The following RANBP2 variants were observed in gnomAD, a reference collection of about 807,000 sequenced individuals.
RANBP2 encodes the protein RAN binding protein 2.
Under a neutral mutation model 303.6 loss-of-function variants are expected in RANBP2, and 57 were observed. That is an observed-to-expected ratio of 0.19 (90% CI 0.15 to 0.23). The LOEUF is 0.23. RANBP2 is among the 10% of genes least tolerant of loss of function. RANBP2 has a pLI of 1.00. For synonymous variants in RANBP2, 1,167 were observed against 1,301.5 expected, an observed-to-expected ratio of 0.90 and a Z score of 2.23; for missense variants, 3,138 against 3,780.8, an observed-to-expected ratio of 0.83 and a Z score of 4.46.
chr2:109,127,307 A>G, the RANBP2 span: 1 of 152,228 alleles, frequency 6.6e-6, no homozygotes, highest in Admixed American at 6.5e-5. Context: ...AGAGGGAGAG[A>G]GAGAAAGAGA....
the RANBP2 span, among the ~76,000 whole-genome samples, chr2:109,542,077 G>A: frequency 6.6e-6 from 1 of 152,182 alleles, no homozygotes; most frequent in African/African-American, 2.4e-5. Context: ...AGAGACAACT[G>A]TTTCATAAGC....
At chr2:109,551,123 G>T in the RANBP2 span, among the ~76,000 whole-genome samples, 12 of 152,162 alleles carry the variant, frequency 7.9e-5, no homozygotes, top group Non-Finnish European at 1.0e-4. Flanking sequence ...AAGACAGAAC[G>T]TCAACGATAT....
intron 15 of RANBP2, among the ~76,000 whole-genome samples, chr2:108,754,634 A>G (rs1271344310): frequency 2.0e-5 from 3 of 151,942 alleles, no homozygotes; most frequent in African/African-American, 7.3e-5. Flanking sequence ...TAGAAAGAGC[A>G]TGGACTTTAG....
the RANBP2 span, among the ~76,000 whole-genome samples, chr2:109,623,795 G>T: frequency 5.3e-3 from 808 of 152,268 alleles, 6 homozygotes; most frequent in African/African-American, 0.019. Context: ...TACCACCATG[G>T]AAGCCAAAAT....
the RANBP2 span, among the ~76,000 whole-genome samples, chr2:109,595,842 G>C: frequency 1.3e-5 from 2 of 152,154 alleles, no homozygotes; most frequent in African/African-American, 4.8e-5. Flanking sequence ...CTGGCTAGGG[G>C]CCCTGGTCAG....
the RANBP2 span, chr2:108,883,451 A>C: frequency 6.6e-6 from 1 of 152,218 alleles, no homozygotes; most frequent in South Asian, 2.1e-4. Flanking sequence ...TGACATATAG[A>C]TGAGATGAAG....
Position 108,764,736 on chromosome 2 carries a change from C to T in RANBP2, c.4197C>T (p.Thr1399=). The T allele has an allele frequency of 6.2e-7, 1 of 1,613,998 alleles. No individual in the cohort carries two copies. The highest frequency in any genetic ancestry group is 1.1e-5 in the South Asian group (1 of 91,064). The part of the protein sequence containing the change: ...PLAETVFTPK[T]SPENVQDRFA... ...CTGAAACTGTTTTTACTCCTAAAAC[C>T]AGCCCAGAGAATGTTCAAGATCGAT... Residue 1399 remains threonine (T), a synonymous_variant, in exon 20 of 29, where the codon ACC becomes ACT. Transcript: ENST00000283195.
the RANBP2 span, chr2:108,876,377 A>T: frequency 1.8e-6 from 1 of 565,178 alleles, no homozygotes; most frequent in Non-Finnish European, 2.9e-6. Context: ...AAAATAAATA[A>T]TTTTTTTGAA....
At chr2:109,283,001 A>G in the RANBP2 span, among the ~76,000 whole-genome samples, 1 of 152,164 alleles carries the variant, frequency 6.6e-6, no homozygotes, top group African/African-American at 2.4e-5. Context: ...GGAAGGGGTG[A>G]CTGCTTGGCA....
chr2:108,994,857 T>G, the RANBP2 span, among the ~76,000 whole-genome samples: 228 of 128,874 alleles, frequency 1.8e-3, no homozygotes, highest in Admixed American at 6.5e-3. Flanking sequence ...TGAGACAGAG[T>G]CTCGCTCTGT....
the RANBP2 span, among the ~76,000 whole-genome samples, chr2:109,653,144 C>T: frequency 6.6e-6 from 1 of 152,084 alleles, no homozygotes; most frequent in East Asian, 1.9e-4. Context: ...TGCTTGTAAT[C>T]CGAGGACTTC....
At chr2:109,709,493 G>A in the RANBP2 span, among the ~76,000 whole-genome samples, 6 of 152,178 alleles carry the variant, frequency 3.9e-5, no homozygotes, top group Admixed American at 2.0e-4. Context: ...CAGTGCCAGG[G>A]CTTTGCAATC....
At chr2:108,846,604 G>A in the RANBP2 span, 1 of 666,052 alleles carries the variant, frequency 1.5e-6, no homozygotes. Flanking sequence ...TTGAGCCCAG[G>A]AGTTTGAGGC....
At chr2:109,010,459 A>G in the RANBP2 span, among the ~76,000 whole-genome samples, 12 of 152,196 alleles carry the variant, frequency 7.9e-5, no homozygotes, top group Non-Finnish European at 1.3e-4. Context: ...TTGGGCTGCT[A>G]TGATAAAATA....
chr2:109,603,567 T>C, the RANBP2 span, among the ~76,000 whole-genome samples: 1 of 152,110 alleles, frequency 6.6e-6, no homozygotes, highest in Non-Finnish European at 1.5e-5. Context: ...AGCCTTACAT[T>C]TTAAGGACAG....
At chr2:108,856,964 G>A in the RANBP2 span, 1 of 1,582,806 alleles carries the variant, frequency 6.3e-7, no homozygotes, top group Non-Finnish European at 8.6e-7. Context: ...GATGACGGTG[G>A]AATCTAGTAA....
the RANBP2 span, among the ~76,000 whole-genome samples, chr2:109,425,504 G>T: frequency 6.6e-6 from 1 of 152,296 alleles, no homozygotes; most frequent in East Asian, 1.9e-4. Context: ...CTTGTTAGGG[G>T]CTAATGCAGC....
At position 108,751,954 on chromosome 2, in the gene RANBP2, C is replaced by G; in HGVS notation, c.1715C>G (p.Pro572Arg). The G allele has an allele frequency of 6.2e-7, 1 of 1,611,964 alleles. No homozygotes were observed. The highest frequency in any genetic ancestry group is 8.5e-7 in the Non-Finnish European group (1 of 1,179,850). The stretch of plus-strand genomic sequence containing the variant: ...GCCCAGGAAAAACATGGCCTTCAAC[C>G]TGCTCTGCTTGTACATTGGGCAGAA... ...LRAQEKHGLQ[P>R]ALLVHWAECL... The change falls in exon 12 of 29, where the codon CCT becomes CGT. Residue 572 changes from proline to arginine, a missense_variant. Physicochemically the swap from Pro to Arg is moderately radical, Grantham distance 103. Transcript: ENST00000283195.
At chr2:109,361,622 C>T in the RANBP2 span, among the ~76,000 whole-genome samples, 936 of 152,200 alleles carry the variant, frequency 6.1e-3, 6 homozygotes, top group South Asian at 0.013. Context: ...TACAGGCATA[C>T]GCCACCATGC....
Sources: gnomAD v4.1 joint callset for allele counts (sites outside exome capture counted in the v4.1 genomes callset) on GRCh38, gnomAD v4.1.1 for gene constraint, MANE v1.5 for transcripts, NCBI Gene and HGNC (gene_info 2026-07-23, HGNC 2026-07-21) for gene names.